The following PTGDR variants were observed in gnomAD, a reference collection of about 807,000 sequenced individuals.
The protein encoded by PTGDR is prostaglandin D2 receptor.
In PTGDR, 19 loss-of-function variants were observed where a neutral mutation model predicts 17.4. The observed-to-expected ratio is 1.09, with a 90% CI of 0.76 to 1.60. PTGDR has a LOEUF of 1.60. Among genes scored for constraint, PTGDR ranks in the 40% most tolerant of loss-of-function variants. PTGDR has a pLI of 0.00. For synonymous variants in PTGDR, 267 were observed against 224.2 expected (o/e 1.19, Z -1.71); for missense variants, 526 against 481.9 (o/e 1.09, Z -0.86).
rs1218755310 is a variant in PTGDR at position 52,275,136 on chromosome 14, A to G, written c.*172A>G. On this transcript the variant is annotated 3_prime_UTR_variant, in exon 2 of 2. Coordinates refer to ENST00000306051, the MANE Select transcript of PTGDR (RefSeq NM_000953.3). ...TTTGATATCTTAACAATGTGTTACC[A>G]TTCTATAGTCATGAACCCCTTCAGT... 5 of 610,386 alleles carry G rather than the reference A, an allele frequency of 8.2e-6. No homozygotes were observed. Among genetic ancestry groups the G allele is most frequent in the African/African-American group, 1.8e-5 (1 of 54,140 alleles). 37.8% of individuals were successfully genotyped at this position (610,386 alleles called of 1,614,324 possible).
intron 1 of PTGDR, among the ~76,000 whole-genome samples, chr14:52,269,145 T>C (rs1177374106): frequency 1.3e-5 from 2 of 152,150 alleles, no homozygotes; most frequent in Non-Finnish European, 2.9e-5. Flanking sequence ...GGTGTTGGCA[T>C]AGAAAGGGAA....
At position 52,274,874 on chromosome 14, in the gene PTGDR, A is replaced by G; in HGVS notation, c.990A>G (p.Val330=). Residue 330 remains valine (V), a synonymous_variant, in exon 2 of 2, where the codon GTA becomes GTG. Transcript: ENST00000306051. ...TTTTTATCATTTTCAGATCTCCAGTATTTCGGATATTTTTTCACAAGATTT... is the reference window on the plus strand; with the variant it reads ...TTTTTATCATTTTCAGATCTCCAGTGTTTCGGATATTTTTTCACAAGATTT... ...PWIFIIFRSP[V]FRIFFHKIFI... The G allele has an allele frequency of 6.2e-7, 1 of 1,608,906 alleles. No individual in the cohort carries two copies. Among genetic ancestry groups the G allele is most frequent in the Non-Finnish European group, 8.5e-7 (1 of 1,175,302 alleles).
chr14:52,269,411 A>G lies in PTGDR; in HGVS notation c.846+751A>G, dbSNP rs750251575. 50 of 1,438,134 alleles carry G rather than the reference A, an allele frequency of 3.5e-5. 1 individual carries two copies. The South Asian group carries it at 6.0e-4, about 17-fold the overall frequency. 89.1% of individuals were successfully genotyped at this position (1,438,134 alleles called of 1,614,324 possible). On this transcript the variant is annotated intron_variant, in intron 1 of 1. Coordinates refer to ENST00000306051, the MANE Select transcript of PTGDR (RefSeq NM_000953.3). ...TATCTCCGGTTTCAATTTGGTAATG[A>G]GGATAGCGATGGAAATGAAATTATC...
intron 1 of PTGDR, chr14:52,269,477 G>T: frequency 2.6e-6 from 4 of 1,535,222 alleles, no homozygotes; most frequent in Non-Finnish European, 2.6e-6. Context: ...TCCCCGCCAA[G>T]ACACCTGGGA....
chr14:52,268,167 C>G lies in PTGDR; in HGVS notation c.353C>G (p.Ser118Cys), dbSNP rs1162586672. Residue 118 changes from serine to cysteine, a missense_variant, in exon 1 of 2, where the codon TCC (serine) becomes TGC (cysteine). Physicochemically the swap from Ser to Cys is moderately radical, Grantham distance 112. Transcript: ENST00000306051. ...FAFFMSFFGL[S>C]STLQLLAMAL... ...TTCTTCATGTCCTTCTTTGGGCTCT[C>G]CTCGACACTGCAACTCCTGGCCATG... is the stretch of plus-strand genomic sequence containing the variant. 6.2e-7 allele frequency: 1 copy of G among 1,614,172 alleles called. No individual in the cohort carries two copies. The highest frequency in any genetic ancestry group is 8.5e-7 in the Non-Finnish European group (1 of 1,180,042).
In PTGDR at chr14:52,273,423, T is replaced by G. The variant is rs79799550; in HGVS notation, c.847-1308T>G. Among the ~76,000 whole-genome samples, 79 of 152,344 alleles carry G rather than the reference T, an allele frequency of 5.2e-4. 2 individuals carry two copies. In the East Asian group the frequency reaches 0.015, roughly 29 times the overall value. On this transcript the variant is annotated intron_variant, in intron 1 of 1. Transcript: ENST00000306051. ...CTGGAAATTTGAAAATTCAATCTAG[T>G]TAAGTGTTCAGCATTAAAGTGAATT...
intron 1 of PTGDR, chr14:52,269,529 C>T: frequency 6.5e-7 from 1 of 1,534,216 alleles, no homozygotes; most frequent in Non-Finnish European, 8.7e-7. Flanking sequence ...CTGCTCCTCT[C>T]CTTTCTCCCA....
In PTGDR at chr14:52,276,290, C is replaced by T. The variant is rs551554443; in HGVS notation, c.*1326C>T. 2 of 152,270 alleles carry T rather than the reference C, an allele frequency of 1.3e-5. No homozygotes were observed. Among genetic ancestry groups the T allele is most frequent in the Non-Finnish European group, 2.9e-5 (2 of 68,026 alleles). The allele number at this position is 152,270 out of a possible 1,614,324, so 9.4% of individuals were successfully genotyped here. A position where few individuals can be genotyped will look rare whatever the true frequency, so the allele number is the denominator to read the frequency against. ...CTTTGTATCTGACAATCTCAGGACT[C>T]CAAGGTGCAAAGCCTGCTGCATTTG... On this transcript the variant is annotated 3_prime_UTR_variant, in exon 2 of 2. Coordinates refer to ENST00000306051, the MANE Select transcript of PTGDR (RefSeq NM_000953.3).
At position 52,268,159 on chromosome 14, in the gene PTGDR, TG is replaced by T; in HGVS notation, c.348del (p.Leu117SerfsTer18). On this transcript the variant is annotated frameshift_variant, in exon 1 of 2. Coordinates refer to ENST00000306051, the MANE Select transcript of PTGDR (RefSeq NM_000953.3). LOFTEE classifies it high-confidence loss of function. ...QAFAFFMSFF[G>X]LSSTLQLLAM... Reference sequence around the variant, plus strand: ...CCTTCGCCTTCTTCATGTCCTTCTTTGGGCTCTCCTCGACACTGCAACTCCT... The same window carrying T: ...CCTTCGCCTTCTTCATGTCCTTCTTTGGCTCTCCTCGACACTGCAACTCCT... The T allele has an allele frequency of 3.7e-6, 6 of 1,614,176 alleles. No individual in the cohort carries two copies. Among genetic ancestry groups the T allele is most frequent in the Non-Finnish European group, 5.1e-6 (6 of 1,180,040 alleles).
chr14:52,269,427 T>G, intron 1 of PTGDR: 9 of 1,488,956 alleles, frequency 6.0e-6, no homozygotes, highest in Non-Finnish European at 8.1e-6. Context: ...GCGATGGAAA[T>G]GAAATTATCT....
intron 1 of PTGDR, among the ~76,000 whole-genome samples, chr14:52,273,831 G>T (rs1479239131): frequency 1.3e-5 from 2 of 152,164 alleles, no homozygotes; most frequent in African/African-American, 2.4e-5. Flanking sequence ...AGAATTGTAG[G>T]CATAGAGAAT....
downstream of PTGDR, among the ~76,000 whole-genome samples, chr14:52,279,291 C>T (rs909101488): frequency 2.3e-4 from 35 of 152,050 alleles, no homozygotes; most frequent in Non-Finnish European, 1.0e-4. Flanking sequence ...AAATAGTACA[C>T]GTAGGAGAAA....
In PTGDR at chr14:52,268,493, G is replaced by C; in HGVS notation, c.679G>C (p.Ala227Pro). The C allele has an allele frequency of 6.2e-7, 1 of 1,610,768 alleles. No homozygotes were observed. Among genetic ancestry groups the C allele is most frequent in the Non-Finnish European group, 8.5e-7 (1 of 1,179,870 alleles). ...CNLGAMRNLY[A>P]MHRRLQRHPR... is the part of the protein sequence containing the mutation. ...CCTCGGCGCCATGCGCAACCTCTAT[G>C]CGATGCACCGGCGGCTGCAGCGGCA... is the stretch of plus-strand genomic sequence containing the variant. Residue 227 changes from alanine (A) to proline (P), a missense_variant, in exon 1 of 2, where the codon GCG (alanine) becomes CCG (proline). By Grantham distance (27) the Ala-to-Pro change is conservative. Transcript: ENST00000306051.
At chr14:52,273,595 G>A (rs1259125236) in intron 1 of PTGDR, among the ~76,000 whole-genome samples, 4 of 152,174 alleles carry the variant, frequency 2.6e-5, no homozygotes, top group African/African-American at 9.6e-5. Context: ...CCAGTGTAAG[G>A]TGTCTTCCTA....
Position 52,275,557 on chromosome 14 carries a change from G to A in PTGDR, c.*593G>A, listed in dbSNP as rs2033408896. On this transcript the variant is annotated 3_prime_UTR_variant, in exon 2 of 2. Transcript: ENST00000306051. ...GGAGGGGCTTCCCCAGCCACCATCG[G>A]GGAGTACTTGCTGCCTCAGGTGGAG... The A allele has an allele frequency of 6.5e-6, 1 of 152,750 alleles. No homozygotes were observed. Among genetic ancestry groups the A allele is most frequent in the African/African-American group, 2.4e-5 (1 of 41,446 alleles). The allele number at this position is 152,750 out of a possible 1,614,324, so 9.5% of individuals were successfully genotyped here.
At chr14:52,273,807 C>A (rs914965777) in intron 1 of PTGDR, among the ~76,000 whole-genome samples, 1 of 152,054 alleles carries the variant, frequency 6.6e-6, no homozygotes, top group Non-Finnish European at 1.5e-5. Flanking sequence ...GTCCATTTAT[C>A]CTAAAATGTA....
chr14:52,277,618 C>T (rs560381549), downstream of PTGDR, among the ~76,000 whole-genome samples: 4 of 152,294 alleles, frequency 2.6e-5, no homozygotes, highest in South Asian at 8.3e-4. Flanking sequence ...GAACCTAAAG[C>T]GTTCTTTGCT....
At chr14:52,280,831 C>T (rs1287201389), downstream of PTGDR, among the ~76,000 whole-genome samples, 1 of 152,130 alleles carries the variant, frequency 6.6e-6, no homozygotes, top group Non-Finnish European at 1.5e-5. Context: ...ATATTGAAAC[C>T]CTCAAAATCA....
chr14:52,268,739 C>T, intron 1 of PTGDR, 79 bp downstream of exon 1: 3 of 1,428,316 alleles, frequency 2.1e-6, no homozygotes, highest in East Asian at 2.3e-5. Context: ...TGGAGCGGAT[C>T]GGGATGGACG....
Sources: allele counts gnomAD v4.1 joint callset (sites outside exome capture counted in the v4.1 genomes callset), GRCh38; gene constraint gnomAD v4.1.1; transcripts MANE v1.5; gene names NCBI Gene and HGNC (gene_info 2026-07-23, HGNC 2026-07-21).